Variants in PCDHA7 observed in about 807,000 individuals in gnomAD.
The protein encoded by PCDHA7 is protocadherin alpha 7, also known as protocadherin alpha-7.
A neutral mutation model predicts 57.2 loss-of-function variants in PCDHA7; 37 were observed. That is an observed-to-expected ratio of 0.65 (90% CI 0.50 to 0.85). The LOEUF is 0.85. Among genes scored for constraint, PCDHA7 ranks in the 40% least tolerant of loss-of-function variants. The pLI, the probability that PCDHA7 is intolerant of heterozygous loss-of-function variation, is 0.00. For missense variants in PCDHA7, 1,188 were observed against 1,241.8 expected (o/e 0.96, Z 0.65); for synonymous variants, 553 against 558.8 (o/e 0.99, Z 0.15).
chr5:140,868,979 C>T, intron 1 of PCDHA7: 6 of 1,485,290 alleles, frequency 4.0e-6, no homozygotes, highest in Non-Finnish European at 5.4e-6. Flanking sequence ...TCCATCATAC[C>T]GGATGCCACC....
At chr5:140,862,742 T>A (rs2047519053) in intron 1 of PCDHA7, 2 of 577,562 alleles carry the variant, frequency 3.5e-6, no homozygotes, top group East Asian at 4.8e-5. Context: ...TATGTGTGGG[T>A]GCACGCGGAG....
intron 1 of PCDHA7, chr5:140,857,495 G>T: frequency 6.3e-7 from 1 of 1,598,344 alleles, no homozygotes; most frequent in Non-Finnish European, 8.6e-7. Context: ...GGACGCGGAC[G>T]CGCAGGAGAA....
At chr5:140,847,142 A>C (rs1780872222) in intron 1 of PCDHA7, among the ~76,000 whole-genome samples, 1 of 149,820 alleles carries the variant, frequency 6.7e-6, no homozygotes, top group South Asian at 2.1e-4. Flanking sequence ...CAATGTAAGA[A>C]GATCTCTTGA....
chr5:140,940,844 T>C (rs942965203), intron 1 of PCDHA7, among the ~76,000 whole-genome samples: 1 of 152,228 alleles, frequency 6.6e-6, no homozygotes. Flanking sequence ...TTCTTCACGA[T>C]AGATTTTTAT....
Position 140,851,540 on chromosome 5 carries a change from T to C in PCDHA7, c.2355+14802T>C, listed in dbSNP as rs374686932. 3.9e-5 allele frequency: 35 copies of C among 908,070 alleles called. 3 individuals carry two copies. The East Asian group carries it at 1.2e-3, about 30-fold the overall frequency. 56.3% of individuals were successfully genotyped at this position (908,070 alleles called of 1,614,324 possible). A position where few individuals can be genotyped will look rare whatever the true frequency, so the allele number is the denominator to read the frequency against. On this transcript the variant is annotated intron_variant, in intron 1 of 3. Coordinates refer to ENST00000525929, the MANE Select transcript of PCDHA7 (RefSeq NM_018910.3). ...TTAAAATGCCTGACAATGTAGATAA[T>C]TCAAGAAATGTTGACTGAAATTTTG...
chr5:140,995,544 A>T (rs2097688289), intron 3 of PCDHA7, among the ~76,000 whole-genome samples: 1 of 152,234 alleles, frequency 6.6e-6, no homozygotes, highest in African/African-American at 2.4e-5. Context: ...ATAAGGGGCG[A>T]TCACTGTACT....
chr5:140,835,488 A>C lies in PCDHA7; in HGVS notation c.1105A>C (p.Ile369Leu), dbSNP rs2150236741. 2.5e-6 allele frequency: 4 copies of C among 1,613,940 alleles called. No homozygotes were observed. The highest frequency in any genetic ancestry group is 3.4e-6 in the Non-Finnish European group (4 of 1,179,870). The change falls in exon 1 of 4, where the codon ATC becomes CTC. Residue 369 changes from isoleucine to leucine, a missense_variant. Around this residue, in one of 3 missense-constraint regions of PCDHA7, gnomAD observed 892 missense variants for 788.5 expected, o/e 1.13. Coordinates refer to ENST00000525929, the MANE Select transcript of PCDHA7 (RefSeq NM_018910.3). ...AGAGGACGCCCAACCAGGTACCGTC[A>C]TCACATTGATTAGCGTGTTTGACCG... Reference protein sequence around the residue: ...IPEDAQPGTVITLISVFDRDF... With the variant: ...IPEDAQPGTVLTLISVFDRDF...
intron 1 of PCDHA7, among the ~76,000 whole-genome samples, chr5:140,962,908 C>G (rs2095718284): frequency 1.3e-5 from 2 of 152,146 alleles, no homozygotes. Context: ...AGCTCCTTCC[C>G]TATTTGACAG....
chr5:140,899,904 C>A (rs1554188779), intron 1 of PCDHA7, among the ~76,000 whole-genome samples: 1 of 151,986 alleles, frequency 6.6e-6, no homozygotes, highest in African/African-American at 2.4e-5. Flanking sequence ...ACATCCTGGG[C>A]TCAAGCAATC....
chr5:140,856,002 G>A, intron 1 of PCDHA7: 2 of 1,534,758 alleles, frequency 1.3e-6, no homozygotes, highest in African/African-American at 1.4e-5. Context: ...TCGTATGTGC[G>A]TTCTAGACCG....
chr5:140,882,020 C>CA, intron 1 of PCDHA7: 1 of 561,726 alleles, frequency 1.8e-6, no homozygotes, highest in East Asian at 3.1e-5. Context: ...AATACTACAT[C>CA]AATGGAAAAT....
chr5:140,932,975 A>G (rs2088770619), intron 1 of PCDHA7, among the ~76,000 whole-genome samples: 1 of 152,012 alleles, frequency 6.6e-6, no homozygotes, highest in African/African-American at 2.4e-5. Flanking sequence ...GGTTTTTACA[A>G]TGCTCAAATG....
intron 1 of PCDHA7, among the ~76,000 whole-genome samples, chr5:140,879,327 A>G (rs2057945221): frequency 6.6e-6 from 1 of 152,232 alleles, no homozygotes; most frequent in South Asian, 2.1e-4. Context: ...TCACTTTTTT[A>G]GTTTGTTCAG....
In PCDHA7 at chr5:140,915,351, C is replaced by G. The variant is rs75854979; in HGVS notation, c.2356-63598C>G. Among the ~76,000 whole-genome samples, 843 of 152,202 alleles carry G rather than the reference C, an allele frequency of 5.5e-3. 10 individuals carry two copies. Among genetic ancestry groups the G allele is most frequent in the African/African-American group, 0.019 (796 of 41,530 alleles). On this transcript the variant is annotated intron_variant, in intron 1 of 3. Coordinates refer to ENST00000525929, the MANE Select transcript of PCDHA7 (RefSeq NM_018910.3). ...TAATATTCTGTGTTTTTCTGTATGC[C>G]TATTCTTACCAGTAAGTGTCTCGGC...
chr5:140,966,515 G>A, intron 1 of PCDHA7: 1 of 436,996 alleles, frequency 2.3e-6, no homozygotes, highest in East Asian at 3.5e-5. Context: ...AGCAGCAGCA[G>A]GAAGCCGAGC....
chr5:140,922,268 A>T (rs2153564244), intron 1 of PCDHA7, among the ~76,000 whole-genome samples: 1 of 152,382 alleles, frequency 6.6e-6, no homozygotes, highest in Non-Finnish European at 1.5e-5. Context: ...TGCCATGAAG[A>T]TTGGACCAAG....
intron 1 of PCDHA7, chr5:140,870,643 G>C (rs782549928): frequency 6.2e-7 from 1 of 1,612,678 alleles, no homozygotes; most frequent in African/African-American, 1.3e-5. Flanking sequence ...CGCGGAGAGC[G>C]GCAAGGTGTA....
chr5:140,993,463 CACA>C (rs1563592017), intron 3 of PCDHA7, among the ~76,000 whole-genome samples: 29 of 7,582 alleles, frequency 3.8e-3, no homozygotes, highest in African/African-American at 0.016. Flanking sequence ...CTTTCTTTCT[CACA>C]CACACACACA....
At chr5:140,876,647 A>T in intron 1 of PCDHA7, 1 of 1,614,178 alleles carries the variant, frequency 6.2e-7, no homozygotes, top group Non-Finnish European at 8.5e-7. Flanking sequence ...CTGACACCTC[A>T]TGTTCCCTTC....
Sources: allele counts gnomAD v4.1 joint callset (sites outside exome capture counted in the v4.1 genomes callset), GRCh38; gene constraint gnomAD v4.1.1; regional missense constraint gnomAD v4.1.1; transcripts MANE v1.5; gene names NCBI Gene and HGNC (gene_info 2026-07-23, HGNC 2026-07-21).